ZDHHC23: variants seen among roughly 807,000 people sequenced by gnomAD.
The protein encoded by ZDHHC23 is palmitoyltransferase ZDHHC23.
Under a neutral mutation model 40.2 loss-of-function variants are expected in ZDHHC23, and 41 were observed. The ratio of observed to expected loss-of-function variants is 1.02; its 90% CI spans 0.79 to 1.32. The LOEUF is 1.32. Among genes scored for constraint, ZDHHC23 ranks in the 40% most tolerant of loss-of-function variants. The probability of loss-of-function intolerance (pLI) is 0.00; values close to 1 mark genes in which losing one functional copy is unlikely to be tolerated. For missense variants in ZDHHC23, 471 were observed against 541.5 expected (o/e 0.87, Z 1.29); for synonymous variants, 204 against 210.2 (o/e 0.97, Z 0.26).
At chr3:113,967,007 G>A (rs566954019), downstream of ZDHHC23, among the ~76,000 whole-genome samples, 15 of 152,182 alleles carry the variant, frequency 9.9e-5, no homozygotes, top group South Asian at 2.7e-3. Context: ...GCTGAGGCAC[G>A]AGAATCACTT....
In ZDHHC23 at chr3:113,951,362, C is replaced by T. The variant is rs1938642222; in HGVS notation, c.162-2338C>T. On this transcript the variant is annotated intron_variant, in intron 2 of 4. Transcript: ENST00000638807. ...CCTTTGAAGTCTAGGTGGAGGCAGC[C>T]AGGCCTCTACAGCTCCTACACTCTG... Among the ~76,000 whole-genome samples, 3 of 152,172 alleles carry T rather than the reference C, an allele frequency of 2.0e-5. No individual in the cohort carries two copies. In the South Asian group the frequency reaches 6.2e-4, roughly 31 times the overall value.
rs1939713820 is a variant in ZDHHC23, at chr3:113,962,010, C to T, written c.*3380C>T. On this transcript the variant is annotated 3_prime_UTR_variant, in exon 5 of 5. Transcript: ENST00000638807. ...TTTAACCTAGGTAAGTTTATATGAC[C>T]TAACTTAATTGTAGCCATATTCTGG... The T allele has an allele frequency of 6.6e-6, 1 of 152,582 alleles. No homozygotes were observed. The highest frequency in any genetic ancestry group is 1.5e-5 in the Non-Finnish European group (1 of 68,008). The allele number at this position is 152,582 out of a possible 1,614,324, so 9.5% of individuals were successfully genotyped here. A position where few individuals can be genotyped will look rare whatever the true frequency, so the allele number is the denominator to read the frequency against.
downstream of ZDHHC23, chr3:113,965,550 GTGAC>G (rs879807213): frequency 2.5e-6 from 1 of 393,716 alleles, no homozygotes; most frequent in East Asian, 3.8e-5. Flanking sequence ...GGGAATGAGA[GTGAC>G]TGATTGATTG....
chr3:113,972,530 A>T, the ZDHHC23 span, among the ~76,000 whole-genome samples: 3 of 152,172 alleles, frequency 2.0e-5, no homozygotes, highest in African/African-American at 7.2e-5. Flanking sequence ...ATGTGCTGAT[A>T]AAAAGAATGT....
downstream of ZDHHC23, among the ~76,000 whole-genome samples, chr3:113,969,680 G>C (rs1940603146): frequency 6.6e-6 from 1 of 152,026 alleles, no homozygotes; most frequent in Non-Finnish European, 1.5e-5. Context: ...TTAAATCTGG[G>C]TTCTCTATTC....
At chr3:113,963,967 C>T (rs1388199253), downstream of ZDHHC23, among the ~76,000 whole-genome samples, 3 of 150,806 alleles carry the variant, frequency 2.0e-5, no homozygotes, top group Non-Finnish European at 4.4e-5. Context: ...ACTGTATAAT[C>T]CTATTAAAGG....
chr3:113,949,001 C>T, intron 2 of ZDHHC23, 38 bp downstream of exon 2: 2 of 1,611,218 alleles, frequency 1.2e-6, no homozygotes, highest in African/African-American at 1.3e-5. Flanking sequence ...GCCCCATCAC[C>T]CTTCTGAGAA....
chr3:113,972,269 TATG>T, the ZDHHC23 span, among the ~76,000 whole-genome samples: 1 of 152,142 alleles, frequency 6.6e-6, no homozygotes, highest in Non-Finnish European at 1.5e-5. Context: ...GATTTTGATC[TATG>T]ATATTTCCAT....
Position 113,958,725 on chromosome 3 carries a change from TA to T in ZDHHC23, c.*98del, listed in dbSNP as rs2107509734. ...GTGTCCATTTCTATCCCCAGTTTCTTAAAGGCATTATAGGGCCATGCTCAGG... is the reference window on the plus strand; with the variant it reads ...GTGTCCATTTCTATCCCCAGTTTCTTAAGGCATTATAGGGCCATGCTCAGG... On this transcript the variant is annotated 3_prime_UTR_variant, in exon 5 of 5. Transcript: ENST00000638807. The T allele has an allele frequency of 6.3e-7, 1 of 1,588,638 alleles. No individual in the cohort carries two copies. The highest frequency in any genetic ancestry group is 8.5e-7 in the Non-Finnish European group (1 of 1,174,236).
chr3:113,954,463 A>G, intron 3 of ZDHHC23, 53 bp downstream of exon 3: 1 of 1,455,626 alleles, frequency 6.9e-7, no homozygotes, highest in Non-Finnish European at 9.2e-7. Context: ...GTAAAACTCT[A>G]GTTACATTTT....
the ZDHHC23 span, chr3:113,978,270 A>G: frequency 6.2e-7 from 1 of 1,614,050 alleles, no homozygotes; most frequent in South Asian, 1.1e-5. Context: ...GGCCCTGAAA[A>G]TCTTCTTTTG....
intron 2 of ZDHHC23, among the ~76,000 whole-genome samples, chr3:113,951,903 C>T (rs977414319): frequency 7.2e-5 from 11 of 152,124 alleles, no homozygotes; most frequent in African/African-American, 2.4e-4. Flanking sequence ...TTTGGGAAGC[C>T]CAGGTGGGCA....
downstream of ZDHHC23, chr3:113,964,932 A>C (rs1450683796): frequency 2.7e-6 from 1 of 367,252 alleles, no homozygotes; most frequent in Non-Finnish European, 4.8e-6. Context: ...GATCTCTAGA[A>C]TGTTCCTTTG....
Position 113,954,245 on chromosome 3 carries a change from G to A in ZDHHC23, c.707G>A (p.Arg236His), listed in dbSNP as rs370624022. ...GADMSGSLNN[R>H]TTKDDPKGSS... is the part of the protein sequence containing the mutation. ...GACATGTCGGGCAGTCTCAACAATC[G>A]CACAACAAAGGATGACCCCAAGGGC... Residue 236 changes from arginine to histidine, a missense_variant, in exon 3 of 5, where the codon CGC becomes CAC. Coordinates refer to ENST00000638807, the MANE Select transcript of ZDHHC23 (RefSeq NM_001320466.2). 27 of 1,614,030 alleles carry A rather than the reference G, an allele frequency of 1.7e-5. No individual in the cohort carries two copies. The highest frequency in any genetic ancestry group is 2.3e-5 in the Non-Finnish European group (27 of 1,180,020).
chr3:113,972,661 G>A, the ZDHHC23 span, among the ~76,000 whole-genome samples: 1 of 152,180 alleles, frequency 6.6e-6, no homozygotes, highest in Non-Finnish European at 1.5e-5. Flanking sequence ...ACTACTGAGA[G>A]TGGCGTGTTG....
At chr3:113,977,277 A>T in the ZDHHC23 span, among the ~76,000 whole-genome samples, 1 of 152,112 alleles carries the variant, frequency 6.6e-6, no homozygotes, top group African/African-American at 2.4e-5. Context: ...CAACAGAGTA[A>T]TGTTGAGAAA....
In ZDHHC23 at chr3:113,948,847, C is replaced by G. The variant is rs371479069; in HGVS notation, c.45C>G (p.Thr15=). 6.2e-7 allele frequency: 1 copy of G among 1,613,994 alleles called. No individual in the cohort carries two copies. Among genetic ancestry groups the G allele is most frequent in the Non-Finnish European group, 8.5e-7 (1 of 1,180,016 alleles). Residue 15 remains threonine, a synonymous_variant, in exon 2 of 5, where the codon ACC becomes ACG. Coordinates refer to ENST00000638807, the MANE Select transcript of ZDHHC23 (RefSeq NM_001320466.2). ...TGAAGCCTGTGAAGAAAAAGAAAAC[C>G]GAAGAACCTGAATTGGAGCCCCTGT... ...GSMKPVKKKK[T]EEPELEPLCC... is the part of the protein sequence containing the mutation.
rs1939824194 is a variant in ZDHHC23, at chr3:113,963,337, A to C, written c.*4707A>C. 6.6e-6 allele frequency: 1 copy of C among 152,120 alleles called. No individual in the cohort carries two copies. Among genetic ancestry groups the C allele is most frequent in the Non-Finnish European group, 1.5e-5 (1 of 68,022 alleles). The allele number at this position is 152,120 out of a possible 1,614,324, so 9.4% of individuals were successfully genotyped here. On this transcript the variant is annotated 3_prime_UTR_variant, in exon 5 of 5. Coordinates refer to ENST00000638807, the MANE Select transcript of ZDHHC23 (RefSeq NM_001320466.2). ...AGACTCAATTTCTAGTTGATGTTTG[A>C]GGTGAGGCAAAAATAAAGCTAAGGT...
At chr3:113,952,707 T>C (rs943737832) in intron 2 of ZDHHC23, among the ~76,000 whole-genome samples, 11 of 152,236 alleles carry the variant, frequency 7.2e-5, no homozygotes, top group African/African-American at 2.2e-4. Flanking sequence ...CAGATATTTA[T>C]TGCTCACAGT....
Sources: allele counts gnomAD v4.1 joint callset (sites outside exome capture counted in the v4.1 genomes callset), GRCh38; gene constraint gnomAD v4.1.1; transcripts MANE v1.5; gene names NCBI Gene and HGNC (gene_info 2026-07-23, HGNC 2026-07-21).